GAREM1: variants seen among roughly 807,000 people sequenced by gnomAD.
GAREM1 encodes GRB2-associated and regulator of MAPK protein 1.
In GAREM1, 26 loss-of-function variants were observed where a neutral mutation model predicts 71.3. The observed-to-expected ratio is 0.36, with a 90% CI of 0.27 to 0.51. The LOEUF (loss-of-function observed/expected upper bound fraction) is 0.51. Among genes scored for constraint, GAREM1 ranks in the 20% least tolerant of loss-of-function variants. GAREM1 has a pLI of 0.95. For missense variants in GAREM1, 1,026 were observed against 1,103.1 expected, an observed-to-expected ratio of 0.93 and a Z score of 0.99; for synonymous variants, 440 against 433.2, an observed-to-expected ratio of 1.02 and a Z score of -0.20.
At chr18:32,426,889 T>A (rs1180609889) in intron 1 of GAREM1, among the ~76,000 whole-genome samples, 1 of 152,202 alleles carries the variant, frequency 6.6e-6, no homozygotes, top group Non-Finnish European at 1.5e-5. Context: ...TGATTTCCTT[T>A]TCCTCTTACA....
intron 2 of GAREM1, among the ~76,000 whole-genome samples, chr18:32,333,513 C>G (rs2047557405): frequency 6.6e-6 from 1 of 152,196 alleles, no homozygotes; most frequent in Non-Finnish European, 1.5e-5. Context: ...ATTGAGGCCC[C>G]TTGTAGGCAC....
Position 32,270,368 on chromosome 18 carries a change from G to A in GAREM1, c.1582C>T (p.Arg528Trp), listed in dbSNP as rs773577321. The A allele has an allele frequency of 3.1e-6, 5 of 1,612,560 alleles. No individual in the cohort carries two copies. In the African/African-American group the frequency reaches 4.0e-5, roughly 13 times the overall value. Residue 528 changes from arginine (R) to tryptophan (W), a missense_variant, in exon 5 of 6, where the codon CGG becomes TGG. Transcript: ENST00000269209. ...GGAACAGGTGGGGCGTTCAGGAGCCGGCATTCTTCTCTGACCTGGCGCAGA... is the reference window on the plus strand; with the variant it reads ...GGAACAGGTGGGGCGTTCAGGAGCCAGCATTCTTCTCTGACCTGGCGCAGA... The part of the protein sequence containing the change: ...PKSEAVREEC[R>W]LLNAPPVPPR...
chr18:32,321,770 A>G (rs1490187586), intron 2 of GAREM1, among the ~76,000 whole-genome samples: 1 of 152,156 alleles, frequency 6.6e-6, no homozygotes, highest in African/African-American at 2.4e-5. Context: ...CTGCTACCAC[A>G]TATTCCCAAC....
intron 3 of GAREM1, among the ~76,000 whole-genome samples, chr18:32,304,688 G>C (rs1425327735): frequency 6.6e-6 from 1 of 152,194 alleles, no homozygotes; most frequent in Non-Finnish European, 1.5e-5. Context: ...ACAAATCTAT[G>C]AGGTGGGTAG....
chr18:32,355,988 C>T (rs1023042393), intron 2 of GAREM1, among the ~76,000 whole-genome samples: 3 of 152,134 alleles, frequency 2.0e-5, no homozygotes, highest in Admixed American at 6.5e-5. Context: ...AATCAGGTCA[C>T]GATTACCTCC....
intron 2 of GAREM1, among the ~76,000 whole-genome samples, chr18:32,337,347 C>T (rs1473211813): frequency 6.6e-6 from 1 of 152,216 alleles, no homozygotes; most frequent in Admixed American, 6.5e-5. Flanking sequence ...ATGAAACTAT[C>T]TGATGAAGCC....
At position 32,310,174 on chromosome 18, in the gene GAREM1, G is replaced by C. The variant is rs766170771; in HGVS notation, c.393+19C>G. 6.2e-7 allele frequency: 1 copy of C among 1,612,548 alleles called. No individual in the cohort carries two copies. Among genetic ancestry groups the C allele is most frequent in the Non-Finnish European group, 8.5e-7 (1 of 1,179,284 alleles). Reference sequence around the variant, plus strand: ...TATCTTTAGTGAGTATAAATATTTGGTGCTTCAAGAGCTACTACCTTCACG... The same window carrying C: ...TATCTTTAGTGAGTATAAATATTTGCTGCTTCAAGAGCTACTACCTTCACG... On this transcript the variant is annotated intron_variant, in intron 3 of 5. Coordinates refer to ENST00000269209, the MANE Select transcript of GAREM1 (RefSeq NM_001242409.2).
intron 1 of GAREM1, among the ~76,000 whole-genome samples, chr18:32,446,249 T>TGTGTGTGTGCGC (rs141510183): frequency 0.018 from 2,770 of 151,946 alleles, 47 homozygotes; most frequent in Non-Finnish European, 0.018. Flanking sequence ...TGTGTGTGTG[T>TGTGTGTGTGCGC]GTGTATAACA....
chr18:32,360,219 T>A (rs1442322168), intron 2 of GAREM1, among the ~76,000 whole-genome samples: 2 of 151,680 alleles, frequency 1.3e-5, no homozygotes, highest in African/African-American at 4.9e-5. Context: ...AAAAAAAAAA[T>A]CCTGTTTAAA....
Position 32,367,242 on chromosome 18 carries a change from G to T in GAREM1, c.262+25653C>A, listed in dbSNP as rs528526880. The stretch of plus-strand genomic sequence containing the variant: ...TAAAAGAAATACCACTTACCTAATA[G>T]CAATAGTGCTTAAGGTTTACATGGG... On this transcript the variant is annotated intron_variant, in intron 2 of 5. Coordinates refer to ENST00000269209, the MANE Select transcript of GAREM1 (RefSeq NM_001242409.2). Among the ~76,000 whole-genome samples, 192 of 152,230 alleles carry T rather than the reference G, an allele frequency of 1.3e-3. 1 individual carries two copies. Among genetic ancestry groups the T allele is most frequent in the African/African-American group, 4.4e-3 (184 of 41,520 alleles).
At chr18:32,296,612 T>C (rs765582462) in intron 3 of GAREM1, among the ~76,000 whole-genome samples, 4 of 152,160 alleles carry the variant, frequency 2.6e-5, no homozygotes, top group Non-Finnish European at 5.9e-5. Context: ...ACATCATTTA[T>C]AAATGACAGT....
chr18:32,418,415 C>T (rs532117676), intron 1 of GAREM1, among the ~76,000 whole-genome samples: 91 of 152,232 alleles, frequency 6.0e-4, no homozygotes, highest in African/African-American at 2.2e-3. Flanking sequence ...TCAATTCCAC[C>T]TTGTTATGGA....
chr18:32,414,129 G>T (rs1432908748), intron 1 of GAREM1, among the ~76,000 whole-genome samples: 5 of 151,954 alleles, frequency 3.3e-5, no homozygotes, highest in Non-Finnish European at 5.9e-5. Context: ...TAGATAAAAG[G>T]TCGCTATTTG....
Position 32,287,734 on chromosome 18 carries a change from C to T in GAREM1, c.863G>A (p.Arg288Gln), listed in dbSNP as rs758311500. 22 of 1,613,638 alleles carry T rather than the reference C, an allele frequency of 1.4e-5. No individual in the cohort carries two copies. The highest frequency in any genetic ancestry group is 5.0e-5 in the Admixed American group (3 of 59,912). Residue 288 changes from arginine to glutamine, a missense_variant, in exon 4 of 6, where the codon CGG becomes CAG. Arg to Gln is a conservative substitution (Grantham distance 43). This residue lies in a region of GAREM1 where 218 missense variants were observed against 296.8 expected (regional missense o/e 0.73). Coordinates refer to ENST00000269209, the MANE Select transcript of GAREM1 (RefSeq NM_001242409.2). This position sits in a 1 kb window ranked among gnomAD's most constrained non-coding sequence, Gnocchi z 5.9. ...GTGCATGGGGAGGATCTTGTTGTTCCGCAGCACACAGCAAACCACCACCGT... is the reference window on the plus strand; with the variant it reads ...GTGCATGGGGAGGATCTTGTTGTTCTGCAGCACACAGCAAACCACCACCGT... ...TKTVVVCCVL[R>Q]NNKILPMHFP...
intron 2 of GAREM1, among the ~76,000 whole-genome samples, chr18:32,378,012 C>CTGTGTG (rs1157230204): frequency 0.022 from 2,951 of 131,750 alleles, 55 homozygotes; most frequent in Admixed American, 0.024. Flanking sequence ...TACTATATAA[C>CTGTGTG]TGTGTGTGTG....
intron 1 of GAREM1, among the ~76,000 whole-genome samples, chr18:32,433,202 A>T (rs1455339291): frequency 6.6e-6 from 1 of 151,834 alleles, no homozygotes; most frequent in Non-Finnish European, 1.5e-5. Context: ...TGTAGAAAAA[A>T]CATATCACAC....
intron 2 of GAREM1, among the ~76,000 whole-genome samples, chr18:32,383,168 T>TG (rs1307765781): frequency 6.6e-6 from 1 of 152,210 alleles, no homozygotes; most frequent in Non-Finnish European, 1.5e-5. Flanking sequence ...TCTAACATGT[T>TG]GGAGGCCCTG....
At chr18:32,432,072 A>G (rs772315460) in intron 1 of GAREM1, among the ~76,000 whole-genome samples, 8 of 152,196 alleles carry the variant, frequency 5.3e-5, no homozygotes, top group Admixed American at 2.0e-4. Context: ...AAAATTATTC[A>G]AACAGAGAGA....
intron 2 of GAREM1, among the ~76,000 whole-genome samples, chr18:32,339,824 A>G (rs1227642197): frequency 1.3e-5 from 2 of 152,208 alleles, no homozygotes; most frequent in African/African-American, 4.8e-5. Context: ...GCATCTCTTC[A>G]CATCCACTCC....
Sources: allele counts gnomAD v4.1 joint callset (sites outside exome capture counted in the v4.1 genomes callset), GRCh38; gene constraint gnomAD v4.1.1; regional missense constraint gnomAD v4.1.1; non-coding constraint Gnocchi (gnomAD v3.1); transcripts MANE v1.5; gene names NCBI Gene and HGNC (gene_info 2026-07-23, HGNC 2026-07-21).